Variants in VCAN observed in about 807,000 individuals in gnomAD.
VCAN encodes the protein versican, also known as versican core protein.
A neutral mutation model predicts 245.5 loss-of-function variants in VCAN; 44 were observed. That is an observed-to-expected ratio of 0.18 (90% CI 0.14 to 0.23). VCAN has a LOEUF of 0.23. Ranked by LOEUF, VCAN falls within the 10% of genes least tolerant of loss-of-function variation. The pLI is 1.00. For synonymous variants in VCAN, 1,413 were observed against 1,437.0 expected (o/e 0.98, Z 0.38); for missense variants, 3,793 against 4,057.9 (o/e 0.93, Z 1.77).
intron 2 of VCAN, among the ~76,000 whole-genome samples, chr5:83,484,017 T>C (rs1408600804): frequency 6.6e-6 from 1 of 152,222 alleles, no homozygotes; most frequent in Non-Finnish European, 1.5e-5. Flanking sequence ...TCCTTTTCTT[T>C]TCTTTTTTAA....
At chr5:83,579,471 G>T (rs1264697589) in intron 13 of VCAN, among the ~76,000 whole-genome samples, 1 of 152,060 alleles carries the variant, frequency 6.6e-6, no homozygotes, top group Non-Finnish European at 1.5e-5. Flanking sequence ...CACCATGTTG[G>T]CCAGGATGGT....
chr5:83,543,965 T>G (rs1475652769), intron 8 of VCAN, among the ~76,000 whole-genome samples: 1 of 152,242 alleles, frequency 6.6e-6, no homozygotes, highest in Non-Finnish European at 1.5e-5. Context: ...CGACTTCCAG[T>G]TCACAGGAAG....
At chr5:83,504,922 G>A (rs1745438407) in intron 5 of VCAN, among the ~76,000 whole-genome samples, 1 of 152,048 alleles carries the variant, frequency 6.6e-6, no homozygotes, top group African/African-American at 2.4e-5. Flanking sequence ...TTAGATGGTG[G>A]CAGCAAGAAA....
chr5:83,496,702 T>A (rs1271249880), intron 5 of VCAN, among the ~76,000 whole-genome samples: 1 of 152,208 alleles, frequency 6.6e-6, no homozygotes, highest in East Asian at 1.9e-4. Flanking sequence ...TTTCTTGGCT[T>A]GAAAGTGAGC....
intron 12 of VCAN, among the ~76,000 whole-genome samples, chr5:83,557,236 C>CTA (rs2112475960): frequency 6.6e-6 from 1 of 152,230 alleles, no homozygotes; most frequent in East Asian, 1.9e-4. Context: ...CCATCTATTT[C>CTA]TAATCTGTCA....
rs6149088 is a variant in VCAN, at chr5:83,565,390, G to GGTGTGTGT, written c.9736-6997_9736-6990dup. Among the ~76,000 whole-genome samples the GGTGTGTGT allele has an allele frequency of 1.1e-4, 17 of 149,236 alleles. No homozygotes were observed. In the East Asian group the frequency reaches 1.8e-3, roughly 16 times the overall value. On this transcript the variant is annotated intron_variant, in intron 12 of 14. Transcript: ENST00000265077. ...TGCCAAGAAGTATTGTATGTGTAAG[G>GGTGTGTGT]GTGTGTGTGTGTGTGTGTGTGTGTG...
At chr5:83,525,067 A>C (rs1362244495) in intron 7 of VCAN, among the ~76,000 whole-genome samples, 2 of 135,966 alleles carry the variant, frequency 1.5e-5, no homozygotes, top group African/African-American at 2.8e-5. Flanking sequence ...TTTTTTTACT[A>C]CTATGAAACA....
intron 12 of VCAN, among the ~76,000 whole-genome samples, chr5:83,564,486 G>C (rs567929572): frequency 1.3e-5 from 2 of 152,234 alleles, no homozygotes; most frequent in South Asian, 4.1e-4. Context: ...TGAAATGAGA[G>C]GATTTTTCAA....
chr5:83,526,132 G>T (rs1448402078), intron 7 of VCAN, among the ~76,000 whole-genome samples: 1 of 152,044 alleles, frequency 6.6e-6, no homozygotes, highest in African/African-American at 2.4e-5. Context: ...TAGAGACAGG[G>T]TTTCACCATC....
chr5:83,536,688 A>G (rs561856575), intron 7 of VCAN: 178 of 189,482 alleles, frequency 9.4e-4, no homozygotes, highest in African/African-American at 3.9e-3. Flanking sequence ...TCACACAAAG[A>G]TGAATTCCTG....
intron 5 of VCAN, among the ~76,000 whole-genome samples, chr5:83,504,495 G>T (rs2112377197): frequency 6.6e-6 from 1 of 150,882 alleles, no homozygotes; most frequent in African/African-American, 2.4e-5. Context: ...CGATCCTCCT[G>T]CCTCAGATCC....
intron 1 of VCAN, among the ~76,000 whole-genome samples, chr5:83,482,375 T>A (rs1744642517): frequency 6.8e-6 from 1 of 147,560 alleles, no homozygotes; most frequent in African/African-American, 2.4e-5. Flanking sequence ...CTATATTATA[T>A]ACTGTTCCAA....
rs969480600 is a variant in VCAN, at chr5:83,581,989, C to T, written c.*1555C>T. 6.6e-6 allele frequency: 1 copy of T among 152,104 alleles called. No homozygotes were observed. Among genetic ancestry groups the T allele is most frequent in the African/African-American group, 2.4e-5 (1 of 41,422 alleles). 9.4% of individuals were successfully genotyped at this position (152,104 alleles called of 1,614,324 possible). On this transcript the variant is annotated 3_prime_UTR_variant, in exon 15 of 15. Coordinates refer to ENST00000265077, the MANE Select transcript of VCAN (RefSeq NM_004385.5). ...CAATATTGATTCTTTTTTTATAAAA[C>T]CTCCTTTGGCTTAGAAGGAATGACT...
intron 12 of VCAN, among the ~76,000 whole-genome samples, chr5:83,566,968 C>T (rs1248948250): frequency 6.6e-6 from 1 of 152,128 alleles, no homozygotes; most frequent in African/African-American, 2.4e-5. Context: ...GAGAAACATA[C>T]TTATTAGCTG....
At chr5:83,532,106 C>T (rs1466377963) in intron 7 of VCAN, among the ~76,000 whole-genome samples, 1 of 152,088 alleles carries the variant, frequency 6.6e-6, no homozygotes, top group Non-Finnish European at 1.5e-5. Flanking sequence ...TGAAATAGAG[C>T]ACATCTCCAT....
In VCAN at chr5:83,512,287, C is replaced by T; in HGVS notation, c.933C>T (p.Ala311=). ...GCGTGCGCCACCCTGTGACTGTGGC[C>T]AGGGCCCAGTGTGGAGGTGGTCTAC... ...DASVRHPVTV[A]RAQCGGGLLG... Residue 311 remains alanine (A), a synonymous_variant, in exon 6 of 15, where the codon GCC becomes GCT. Transcript: ENST00000265077. 1 of 1,614,130 alleles carries T rather than the reference C, an allele frequency of 6.2e-7. No homozygotes were observed. Among genetic ancestry groups the T allele is most frequent in the Non-Finnish European group, 8.5e-7 (1 of 1,179,994 alleles).
Position 83,539,286 on chromosome 5 carries a change from G to A in VCAN, c.6283G>A (p.Ala2095Thr), listed in dbSNP as rs147425694. 3.2e-5 allele frequency: 51 copies of A among 1,613,926 alleles called. No homozygotes were observed. In the African/African-American group the frequency reaches 6.5e-4, roughly 21 times the overall value. ...STNFPQTIEP[A>T]KLWSRQEVNP... Reference sequence around the variant, plus strand: ...AAACTTTCCCCAAACTATAGAGCCAGCCAAATTATGGTCTAGGCAAGAAGT... The same window carrying A: ...AAACTTTCCCCAAACTATAGAGCCAACCAAATTATGGTCTAGGCAAGAAGT... Residue 2095 changes from alanine to threonine, a missense_variant, in exon 8 of 15, where the codon GCC (alanine) becomes ACC (threonine). Coordinates refer to ENST00000265077, the MANE Select transcript of VCAN (RefSeq NM_004385.5).
chr5:83,502,938 G>C, intron 5 of VCAN, among the ~76,000 whole-genome samples: 1 of 152,112 alleles, frequency 6.6e-6, no homozygotes, highest in Non-Finnish European at 1.5e-5. Context: ...CACTAACTCT[G>C]GGGTCTAAAA....
chr5:83,491,961 T>C (rs1021905943), intron 3 of VCAN, among the ~76,000 whole-genome samples: 36 of 152,170 alleles, frequency 2.4e-4, no homozygotes, highest in African/African-American at 8.4e-4. Flanking sequence ...ATTCACCAGA[T>C]AGCACCATAT....
Sources: gnomAD v4.1 joint callset for allele counts (sites outside exome capture counted in the v4.1 genomes callset) on GRCh38, gnomAD v4.1.1 for gene constraint, MANE v1.5 for transcripts, NCBI Gene and HGNC (gene_info 2026-07-23, HGNC 2026-07-21) for gene names.